Variants in KCTD10 observed in about 807,000 individuals in gnomAD.
KCTD10 encodes potassium channel tetramerization domain containing 10.
A neutral mutation model predicts 34.6 loss-of-function variants in KCTD10; 13 were observed. That is an observed-to-expected ratio of 0.38 (90% CI 0.24 to 0.60). The LOEUF (loss-of-function observed/expected upper bound fraction) is 0.60. Among genes scored for constraint, KCTD10 ranks in the 20% least tolerant of loss-of-function variants. The pLI, the probability that KCTD10 is intolerant of heterozygous loss-of-function variation, is 0.66. For synonymous variants in KCTD10, 156 were observed against 168.8 expected (o/e 0.92, Z 0.59); for missense variants, 256 against 420.3 (o/e 0.61, Z 3.42).
At chr12:109,465,176 T>C (rs1314821555) in intron 2 of KCTD10, among the ~76,000 whole-genome samples, 1 of 146,828 alleles carries the variant, frequency 6.8e-6, no homozygotes, top group Non-Finnish European at 1.5e-5. Flanking sequence ...CTCTACATGA[T>C]CATCAACAGA....
chr12:109,470,690 G>T, intron 1 of KCTD10: 1 of 713,406 alleles, frequency 1.4e-6, no homozygotes, highest in Non-Finnish European at 1.7e-6. Flanking sequence ...GCCACTCTGT[G>T]CCCTTGCGAC....
chr12:109,477,136 G>A (rs1473494168), intron 1 of KCTD10, 124 bp downstream of exon 1: 6 of 757,126 alleles, frequency 7.9e-6, no homozygotes, highest in Non-Finnish European at 1.1e-5. Flanking sequence ...TCCCCCAAAT[G>A]CCTCTCCACT....
rs11066736 is a variant in KCTD10, at chr12:109,466,455, A to G, written c.217+3060T>C. Among the ~76,000 whole-genome samples, 261 of 152,362 alleles carry G rather than the reference A, an allele frequency of 1.7e-3. 6 individuals carry two copies. In the East Asian group the frequency reaches 0.046, roughly 27 times the overall value. On this transcript the variant is annotated intron_variant, in intron 2 of 6. Transcript: ENST00000228495. ...GAGAAAAAGCCACTTGTCCAATGTC[A>G]CATGACCAGTAAATGGCAAATAGGC... is the stretch of plus-strand genomic sequence containing the variant.
At position 109,450,230 on chromosome 12, in the gene KCTD10, C is replaced by G. The variant is rs1872700648; in HGVS notation, c.*1365G>C. The G allele has an allele frequency of 5.0e-6, 2 of 398,566 alleles. No homozygotes were observed. Among genetic ancestry groups the G allele is most frequent in the Non-Finnish European group, 8.8e-6 (2 of 226,088 alleles). The allele number at this position is 398,566 out of a possible 1,614,324, so 24.7% of individuals were successfully genotyped here. On this transcript the variant is annotated 3_prime_UTR_variant, in exon 7 of 7. Transcript: ENST00000228495. ...TGGTAACTACTCTACCTAGTCTAGT[C>G]TCAACCACCCCTGTCAGTCACGACT...
Position 109,451,890 on chromosome 12 carries a change from G to T in KCTD10, c.724-77C>A, listed in dbSNP as rs763136379. ...CAACACCTGGACTTTAAGCAGGGCC[G>T]CCAGGCTAAATCAGGCCCCTGGGAT... On this transcript the variant is annotated intron_variant, in intron 6 of 6. Coordinates refer to ENST00000228495, the MANE Select transcript of KCTD10 (RefSeq NM_031954.5). This position sits in a 1 kb window ranked among gnomAD's most constrained non-coding sequence, Gnocchi z 5.0. The T allele has an allele frequency of 3.9e-5, 49 of 1,251,832 alleles. No homozygotes were observed. Among genetic ancestry groups the T allele is most frequent in the Non-Finnish European group, 5.2e-5 (48 of 915,458 alleles). 77.5% of individuals were successfully genotyped at this position (1,251,832 alleles called of 1,614,324 possible).
At position 109,449,001 on chromosome 12, in the gene KCTD10, GAAACAAAC is replaced by G. The variant is rs72222515; in HGVS notation, c.*2586_*2593del. ...GTCACCACAATCAGATGGCTTATTTGAAACAAACAAACAAAAAAAACCCTTGATTACGA... is the reference window on the plus strand; with the variant it reads ...GTCACCACAATCAGATGGCTTATTTGAAACAAAAAAAACCCTTGATTACGA... On this transcript the variant is annotated 3_prime_UTR_variant, in exon 7 of 7. Coordinates refer to ENST00000228495, the MANE Select transcript of KCTD10 (RefSeq NM_031954.5). 8.6e-5 allele frequency: 13 copies of G among 151,984 alleles called. No individual in the cohort carries two copies. Among genetic ancestry groups the G allele is most frequent in the African/African-American group, 3.1e-4 (13 of 41,296 alleles). The allele number at this position is 151,984 out of a possible 1,614,324, so 9.4% of individuals were successfully genotyped here.
At chr12:109,463,278 C>G (rs562631428) in intron 2 of KCTD10, among the ~76,000 whole-genome samples, 1 of 152,264 alleles carries the variant, frequency 6.6e-6, no homozygotes, top group Non-Finnish European at 1.5e-5. Flanking sequence ...ACAGGCAGAC[C>G]GTGACACTGG....
intron 3 of KCTD10, chr12:109,459,581 C>T (rs757980094): frequency 1.3e-4 from 20 of 152,312 alleles, no homozygotes; most frequent in African/African-American, 4.1e-4. Flanking sequence ...CACGTCATGA[C>T]GTAAACTCTG....
At chr12:109,462,390 G>C (rs1177536299) in intron 2 of KCTD10, among the ~76,000 whole-genome samples, 3 of 152,202 alleles carry the variant, frequency 2.0e-5, no homozygotes, top group Non-Finnish European at 2.9e-5. Flanking sequence ...TACCCCAAGT[G>C]GGGGGAAATG....
At chr12:109,472,691 G>T (rs1048101670) in intron 1 of KCTD10, among the ~76,000 whole-genome samples, 1 of 152,104 alleles carries the variant, frequency 6.6e-6, no homozygotes, top group Admixed American at 6.6e-5. Context: ...GCATCACCAC[G>T]AACACGTAAT....
At chr12:109,477,230 C>A (rs1033821148) in intron 1 of KCTD10, 30 bp downstream of exon 1, 1 of 1,613,688 alleles carries the variant, frequency 6.2e-7, no homozygotes, top group Non-Finnish European at 8.5e-7. Context: ...CCGCCCTCAA[C>A]CCCTAGTCCA....
intron 1 of KCTD10, among the ~76,000 whole-genome samples, chr12:109,473,863 C>T (rs1874018080): frequency 1.3e-5 from 2 of 151,194 alleles, no homozygotes; most frequent in Admixed American, 1.3e-4. Flanking sequence ...CTCACCGCAA[C>T]GTCTGCCTCC....
intron 2 of KCTD10, among the ~76,000 whole-genome samples, chr12:109,467,465 T>C (rs1319012090): frequency 1.3e-5 from 2 of 151,884 alleles, no homozygotes; most frequent in Non-Finnish European, 2.9e-5. Context: ...AGAAAAAAAT[T>C]CTAAAAATTA....
rs1174597130 is a variant in KCTD10 at position 109,451,607 on chromosome 12, G to A, written c.930C>T (p.His310=). ...GTCTCTTGCCTGCTCACTGGTGGAG[G>A]TGGGCCCGGTCATCAGGGCGCTTGA... ...IHIKRPDDRA[H]LHQ The change falls in exon 7 of 7, where the codon CAC becomes CAT. Residue 310 remains histidine, a synonymous_variant. Transcript: ENST00000228495. This position sits in a 1 kb window ranked among gnomAD's most constrained non-coding sequence, Gnocchi z 5.0. The A allele has an allele frequency of 1.2e-6, 2 of 1,607,512 alleles. No individual in the cohort carries two copies. Among genetic ancestry groups the A allele is most frequent in the Non-Finnish European group, 1.7e-6 (2 of 1,177,864 alleles).
Position 109,451,555 on chromosome 12 carries a change from T to TGGGGGCGGTGAGAG in KCTD10, c.*26_*39dup, listed in dbSNP as rs1421742049. On this transcript the variant is annotated 3_prime_UTR_variant, in exon 7 of 7. Coordinates refer to ENST00000228495, the MANE Select transcript of KCTD10 (RefSeq NM_031954.5). The surrounding 1 kb of genome is among the most constrained non-coding windows in gnomAD (Gnocchi z 5.0). Reference sequence around the variant, plus strand: ...GATCTGGGTGTAGCACGGCAGGGAGTGGGGGCGGTGAGAGGAGGGCGGCTC... The same window carrying TGGGGGCGGTGAGAG: ...GATCTGGGTGTAGCACGGCAGGGAGTGGGGGCGGTGAGAGGGGGGCGGTGAGAGGAGGGCGGCTC... 2 of 1,553,038 alleles carry TGGGGGCGGTGAGAG rather than the reference T, an allele frequency of 1.3e-6. No individual in the cohort carries two copies. The highest frequency in any genetic ancestry group is 1.7e-5 in the Admixed American group (1 of 57,828).
chr12:109,463,442 C>A (rs938111087), intron 2 of KCTD10, among the ~76,000 whole-genome samples: 6 of 152,176 alleles, frequency 3.9e-5, no homozygotes, highest in African/African-American at 1.4e-4. Context: ...AGGAAGTGAT[C>A]CCTTTGAAAG....
chr12:109,453,588 C>A (rs1360684570), intron 6 of KCTD10, among the ~76,000 whole-genome samples: 1 of 152,216 alleles, frequency 6.6e-6, no homozygotes, highest in South Asian at 2.1e-4. Flanking sequence ...ACCTTCTTTT[C>A]TGATGAGAAG....
Position 109,450,463 on chromosome 12 carries a change from AC to A in KCTD10, c.*1131del, listed in dbSNP as rs1872716954. The A allele has an allele frequency of 2.5e-6, 1 of 398,956 alleles. No individual in the cohort carries two copies. The highest frequency in any genetic ancestry group is 2.1e-5 in the African/African-American group (1 of 48,628). 24.7% of individuals were successfully genotyped at this position (398,956 alleles called of 1,614,324 possible). Reference sequence around the variant, plus strand: ...GACCCAAAGTTATCTATCTACCCGCACATCCTCAACCTGTTCACTGCTGGCC... The same window carrying A: ...GACCCAAAGTTATCTATCTACCCGCAATCCTCAACCTGTTCACTGCTGGCC... On this transcript the variant is annotated 3_prime_UTR_variant, in exon 7 of 7. Coordinates refer to ENST00000228495, the MANE Select transcript of KCTD10 (RefSeq NM_031954.5).
intron 2 of KCTD10, 46 bp downstream of exon 2, chr12:109,469,469 C>T (rs376175954): frequency 6.3e-7 from 1 of 1,598,808 alleles, no homozygotes; most frequent in Non-Finnish European, 8.5e-7. Flanking sequence ...CCCTCCTTGA[C>T]CACATAACGC....
Sources: allele counts gnomAD v4.1 joint callset (sites outside exome capture counted in the v4.1 genomes callset), GRCh38; gene constraint gnomAD v4.1.1; non-coding constraint Gnocchi (gnomAD v3.1); transcripts MANE v1.5; gene names NCBI Gene and HGNC (gene_info 2026-07-23, HGNC 2026-07-21).